The following MACROD2 variants were observed in gnomAD, a reference collection of about 807,000 sequenced individuals.
The protein encoded by MACROD2 is ADP-ribose glycohydrolase MACROD2.
In MACROD2, 36 loss-of-function variants were observed where a neutral mutation model predicts 70.4. That is an observed-to-expected ratio of 0.51 (90% CI 0.39 to 0.68). The LOEUF is 0.68. MACROD2 is among the 30% of genes least tolerant of loss of function. The pLI, the probability that MACROD2 is intolerant of heterozygous loss-of-function variation, is 0.00. For synonymous variants in MACROD2, 172 were observed against 178.8 expected, an observed-to-expected ratio of 0.96 and a Z score of 0.30; for missense variants, 496 against 538.4, an observed-to-expected ratio of 0.92 and a Z score of 0.78.
intron 5 of MACROD2, among the ~76,000 whole-genome samples, chr20:15,045,009 G>T (rs550243537): frequency 5.9e-5 from 9 of 152,232 alleles, no homozygotes; most frequent in African/African-American, 1.9e-4. Flanking sequence ...GTCATATGTG[G>T]TTCAAAACAC....
At chr20:14,533,860 G>T (rs1450798826) in intron 4 of MACROD2, among the ~76,000 whole-genome samples, 1 of 152,074 alleles carries the variant, frequency 6.6e-6, no homozygotes. Flanking sequence ...TCATTTTTTG[G>T]ATATACTTTA....
At chr20:14,151,024 C>T (rs1357790880) in intron 3 of MACROD2, among the ~76,000 whole-genome samples, 1 of 152,178 alleles carries the variant, frequency 6.6e-6, no homozygotes, top group African/African-American at 2.4e-5. Flanking sequence ...CAAATAATTA[C>T]AGATAGCTTT....
rs980774939 is a variant in MACROD2, at chr20:14,720,360, G to A, written c.418+35401G>A. Among the ~76,000 whole-genome samples, 13 of 151,944 alleles carry A rather than the reference G, an allele frequency of 8.6e-5. No individual in the cohort carries two copies. The East Asian group carries it at 1.9e-3, about 23-fold the overall frequency. On this transcript the variant is annotated intron_variant, in intron 5 of 17. Transcript: ENST00000684519. ...TATTTCCTCTTCTGAAGTCCCTGAC[G>A]TAGTTGGTTTGGAAAAGGTCTCCAA...
intron 6 of MACROD2, among the ~76,000 whole-genome samples, chr20:15,363,130 C>A (rs527794036): frequency 6.6e-6 from 1 of 152,200 alleles, no homozygotes; most frequent in African/African-American, 2.4e-5. Context: ...TTGTTTTCTG[C>A]TACCACCTCC....
At chr20:15,781,537 C>T (rs2051831581) in intron 8 of MACROD2, among the ~76,000 whole-genome samples, 1 of 152,146 alleles carries the variant, frequency 6.6e-6, no homozygotes, top group South Asian at 2.1e-4. Context: ...TTCAAGATGG[C>T]TTCTTCTTGC....
chr20:15,286,394 A>G (rs1216081172), intron 6 of MACROD2, among the ~76,000 whole-genome samples: 3 of 150,966 alleles, frequency 2.0e-5, no homozygotes, highest in Middle Eastern at 3.5e-3. Context: ...CAGGTTTATC[A>G]TATCATGTCT....
intron 12 of MACROD2, among the ~76,000 whole-genome samples, chr20:15,950,594 G>A (rs989638667): frequency 2.0e-5 from 3 of 152,162 alleles, no homozygotes; most frequent in Admixed American, 6.6e-5. Context: ...AGAATGGCAC[G>A]TCATTGTATT....
At chr20:14,721,954 T>G (rs530327348) in intron 5 of MACROD2, among the ~76,000 whole-genome samples, 9 of 152,256 alleles carry the variant, frequency 5.9e-5, no homozygotes, top group Admixed American at 2.0e-4. Flanking sequence ...CAGACTAGAA[T>G]TCTATGTTGG....
At chr20:15,237,354 T>A (rs1441176492) in intron 6 of MACROD2, among the ~76,000 whole-genome samples, 1 of 152,190 alleles carries the variant, frequency 6.6e-6, no homozygotes. Context: ...TTTAGAGAAT[T>A]TTTTTTGTAG....
intron 8 of MACROD2, among the ~76,000 whole-genome samples, chr20:15,564,802 A>G (rs1352546638): frequency 1.3e-5 from 2 of 152,184 alleles, no homozygotes; most frequent in Non-Finnish European, 2.9e-5. Flanking sequence ...GTCATTATAT[A>G]TGTATTTTTC....
intron 4 of MACROD2, among the ~76,000 whole-genome samples, chr20:14,541,348 C>G (rs951957280): frequency 5.9e-5 from 9 of 152,180 alleles, no homozygotes; most frequent in South Asian, 2.1e-4. Flanking sequence ...TTAGTGCTCC[C>G]TCTCTGTTTC....
intron 8 of MACROD2, among the ~76,000 whole-genome samples, chr20:15,777,498 CTT>C (rs2051743645): frequency 1.4e-5 from 1 of 71,774 alleles, no homozygotes; most frequent in Non-Finnish European, 2.5e-5. Flanking sequence ...CTTTTTTTTC[CTT>C]CCTTCCTTCT....
chr20:16,047,448 G>T (rs1018213387), intron 17 of MACROD2, among the ~76,000 whole-genome samples: 9 of 152,170 alleles, frequency 5.9e-5, no homozygotes, highest in Non-Finnish European at 1.2e-4. Context: ...CAGTAATGAT[G>T]GTTATGGAAT....
chr20:15,971,042 A>G (rs2066222803), intron 13 of MACROD2, among the ~76,000 whole-genome samples: 2 of 152,176 alleles, frequency 1.3e-5, no homozygotes, highest in Admixed American at 1.3e-4. Flanking sequence ...CTCATACCCA[A>G]CAAAGTAAAA....
At chr20:14,702,601 GTA>G (rs1491330133) in intron 5 of MACROD2, among the ~76,000 whole-genome samples, 2 of 804 alleles carry the variant, frequency 2.5e-3, no homozygotes, top group African/African-American at 3.8e-3. Context: ...ATATATGTGT[GTA>G]TATATATGTG....
intron 3 of MACROD2, among the ~76,000 whole-genome samples, chr20:14,468,757 G>A (rs368410439): frequency 3.3e-5 from 5 of 151,980 alleles, no homozygotes; most frequent in African/African-American, 4.8e-5. Flanking sequence ...TGATCCACCC[G>A]CCTTGGCCTC....
intron 5 of MACROD2, among the ~76,000 whole-genome samples, chr20:14,897,743 T>C (rs2073847621): frequency 6.6e-6 from 1 of 152,152 alleles, no homozygotes; most frequent in Non-Finnish European, 1.5e-5. Context: ...ATAGACTAGG[T>C]GGCATATAAA....
chr20:14,078,457 A>G (rs1048396695), intron 2 of MACROD2, among the ~76,000 whole-genome samples: 1 of 151,926 alleles, frequency 6.6e-6, no homozygotes, highest in African/African-American at 2.4e-5. Flanking sequence ...CCCAGGCTGG[A>G]GTACAATGGC....
rs368314711 is a variant in MACROD2, at chr20:15,603,499, C to T, written c.645+103652C>T. On this transcript the variant is annotated intron_variant, in intron 8 of 17. Coordinates refer to ENST00000684519, the MANE Select transcript of MACROD2 (RefSeq NM_001351661.2). ...CTCTAGCCTGGGTGACAGAGTGAGA[C>T]GTCTCAAAAAAAAAAAAAAAAAAGA... 4.6e-3 allele frequency among the ~76,000 whole-genome samples: 457 copies of T among 100,014 alleles called. 5 individuals carry two copies. Among genetic ancestry groups the T allele is most frequent in the African/African-American group, 0.025 (435 of 17,730 alleles). The allele number at this position is 100,014 out of a possible 152,430, so 65.6% of individuals were successfully genotyped here. A position where few individuals can be genotyped will look rare whatever the true frequency, so the allele number is the denominator to read the frequency against.
Sources: allele counts gnomAD v4.1 joint callset (sites outside exome capture counted in the v4.1 genomes callset), GRCh38; gene constraint gnomAD v4.1.1; transcripts MANE v1.5; gene names NCBI Gene and HGNC (gene_info 2026-07-23, HGNC 2026-07-21).